KASH5: variants seen among roughly 807,000 people sequenced by gnomAD.
KASH5 encodes protein KASH5.
Under a neutral mutation model 84.2 loss-of-function variants are expected in KASH5, and 72 were observed. The observed-to-expected ratio is 0.85, with a 90% CI of 0.71 to 1.04. The LOEUF is 1.04. Ranked by LOEUF, KASH5 falls within the 50% of genes least tolerant of loss-of-function variation. KASH5 has a pLI of 0.00. For synonymous variants in KASH5, 260 were observed against 279.1 expected (o/e 0.93, Z 0.68); for missense variants, 650 against 701.0 (o/e 0.93, Z 0.82).
Position 49,390,792 on chromosome 19 carries a change from T to G in KASH5, c.-92T>G. On this transcript the variant is annotated 5_prime_UTR_variant, in exon 2 of 20. Coordinates refer to ENST00000447857, the MANE Select transcript of KASH5 (RefSeq NM_144688.5). ...CATTTCCTGCTTCTCCTTCCAGGAG[T>G]GCTCGGGCCAGCTGGTCCTTTTCCC... The G allele has an allele frequency of 7.2e-7, 1 of 1,398,270 alleles. No individual in the cohort carries two copies. The highest frequency in any genetic ancestry group is 2.6e-5 in the Admixed American group (1 of 38,056). 86.6% of individuals were successfully genotyped at this position (1,398,270 alleles called of 1,614,324 possible).
intron 1 of KASH5, among the ~76,000 whole-genome samples, chr19:49,389,012 AC>A (rs2146831199): frequency 6.6e-6 from 1 of 151,452 alleles, no homozygotes; most frequent in East Asian, 1.9e-4. Flanking sequence ...GCACTCAGAG[AC>A]CCCCGCAGAA....
chr19:49,390,016 G>C (rs937508039), intron 1 of KASH5: 4 of 152,642 alleles, frequency 2.6e-5, no homozygotes, highest in African/African-American at 9.7e-5. Flanking sequence ...AGAGGCAGGA[G>C]CTTCAGAGAC....
At position 49,399,494 on chromosome 19, in the gene KASH5, C is replaced by T; in HGVS notation, c.785C>T (p.Thr262Ile). 2.5e-6 allele frequency: 4 copies of T among 1,610,468 alleles called. No homozygotes were observed. The highest frequency in any genetic ancestry group is 3.4e-6 in the Non-Finnish European group (4 of 1,178,520). Residue 262 changes from threonine (T) to isoleucine (I), a missense_variant, in exon 9 of 20, where the codon ACT (threonine) becomes ATT (isoleucine). Transcript: ENST00000447857. The surrounding 1 kb of genome is among the most constrained non-coding windows in gnomAD (Gnocchi z 4.4). Reference protein sequence around the residue: ...EQQHLVAEMETLQEENGKLLA... With the variant: ...EQQHLVAEMEILQEENGKLLA... ...CAGCATCTGGTGGCTGAGATGGAGACTCTGCAGGAGGAGGTGAGCGGAGGC... is the reference window on the plus strand; with the variant it reads ...CAGCATCTGGTGGCTGAGATGGAGATTCTGCAGGAGGAGGTGAGCGGAGGC...
chr19:49,397,522 A>G, intron 5 of KASH5, 129 bp from the exon 6 acceptor site: 1 of 794,244 alleles, frequency 1.3e-6, no homozygotes, highest in East Asian at 2.5e-5. Context: ...CTGCAGCCCC[A>G]AAAGCCCATG....
At chr19:49,397,878 T>C in intron 6 of KASH5, 104 bp from the exon 7 acceptor site, 2 of 1,467,486 alleles carry the variant, frequency 1.4e-6, no homozygotes, top group Middle Eastern at 2.0e-4. Context: ...CCTGTTTATC[T>C]TTCCCCAAAA....
intron 14 of KASH5, 75 bp downstream of exon 14, chr19:49,409,358 C>T (rs1338892845): frequency 2.1e-6 from 3 of 1,456,920 alleles, no homozygotes; most frequent in Non-Finnish European, 2.8e-6. Context: ...CTCTGATCCT[C>T]ACACCAGCCT....
Position 49,390,838 on chromosome 19 carries a change from G to C in KASH5, c.-46G>C, listed in dbSNP as rs1973978395. 1 of 1,570,356 alleles carries C rather than the reference G, an allele frequency of 6.4e-7. No individual in the cohort carries two copies. The highest frequency in any genetic ancestry group is 1.4e-5 in the African/African-American group (1 of 72,184). On this transcript the variant is annotated 5_prime_UTR_variant, in exon 2 of 20. Transcript: ENST00000447857. The stretch of plus-strand genomic sequence containing the variant: ...TTCCCATCCCTCCCCATGAAGGAGG[G>C]AGGCTGGTAGCTTTGCCAGCAGCTG...
chr19:49,415,137 A>T, intron 17 of KASH5, 141 bp downstream of exon 17: 1 of 837,978 alleles, frequency 1.2e-6, no homozygotes, highest in Non-Finnish European at 2.0e-6. Flanking sequence ...CCAAGAGATA[A>T]CAAGGCCTTT....
At position 49,417,614 on chromosome 19, in the gene KASH5, TAG is replaced by T; in HGVS notation, c.*106_*107del. ...AGTCCACTGTTGCGCAGGCTTACCCTAGATAGAGTACAGGGGATCCACATCCC... is the reference window on the plus strand; with the variant it reads ...AGTCCACTGTTGCGCAGGCTTACCCTATAGAGTACAGGGGATCCACATCCC... On this transcript the variant is annotated 3_prime_UTR_variant, in exon 20 of 20. Coordinates refer to ENST00000447857, the MANE Select transcript of KASH5 (RefSeq NM_144688.5). The surrounding 1 kb of genome is among the most constrained non-coding windows in gnomAD (Gnocchi z 5.2). 7.3e-7 allele frequency: 1 copy of T among 1,365,340 alleles called. No individual in the cohort carries two copies. Among genetic ancestry groups the T allele is most frequent in the Non-Finnish European group, 9.6e-7 (1 of 1,038,408 alleles). 84.6% of individuals were successfully genotyped at this position (1,365,340 alleles called of 1,614,324 possible). A position where few individuals can be genotyped will look rare whatever the true frequency, so the allele number is the denominator to read the frequency against.
intron 7 of KASH5, among the ~76,000 whole-genome samples, chr19:49,398,554 A>T (rs1031302346): frequency 3.3e-5 from 5 of 151,962 alleles, no homozygotes; most frequent in African/African-American, 4.8e-5. Flanking sequence ...TTTTTTATAG[A>T]AATGAGTTCT....
chr19:49,407,688 C>T lies in KASH5; in HGVS notation c.993+17C>T, dbSNP rs747977816. 19 of 1,589,674 alleles carry T rather than the reference C, an allele frequency of 1.2e-5. No homozygotes were observed. Among genetic ancestry groups the T allele is most frequent in the East Asian group, 2.3e-5 (1 of 43,396 alleles). On this transcript the variant is annotated intron_variant, in intron 12 of 19. Coordinates refer to ENST00000447857, the MANE Select transcript of KASH5 (RefSeq NM_144688.5). ...ACGACGCAGGTAACTCAGCGGCCCT[C>T]GCCACCCACCGCGGCCCTCGCCACT...
chr19:49,410,689 T>C (rs1212805644), intron 15 of KASH5, among the ~76,000 whole-genome samples: 2 of 152,134 alleles, frequency 1.3e-5, no homozygotes, highest in Non-Finnish European at 2.9e-5. Flanking sequence ...GGTTTCGCCA[T>C]GTTGGCCAGG....
At chr19:49,390,675 G>A (rs1226229616) in intron 1 of KASH5, 114 bp from the exon 2 acceptor site, 4 of 498,958 alleles carry the variant, frequency 8.0e-6, no homozygotes, top group Admixed American at 4.0e-5. Flanking sequence ...AGGTCACAGC[G>A]GGGGTGACAA....
At position 49,404,835 on chromosome 19, in the gene KASH5, A is replaced by G. The variant is rs115367437; in HGVS notation, c.799-2051A>G. On this transcript the variant is annotated intron_variant, in intron 9 of 19. Transcript: ENST00000447857. ...AATTTGATATGTATAGCACCACCCAATCTTGCCAAGAAATTGAACAACAGT... is the reference window on the plus strand; with the variant it reads ...AATTTGATATGTATAGCACCACCCAGTCTTGCCAAGAAATTGAACAACAGT... Among the ~76,000 whole-genome samples, 1,216 of 152,242 alleles carry G rather than the reference A, an allele frequency of 8.0e-3. 22 individuals are homozygous for G. Among genetic ancestry groups the G allele is most frequent in the African/African-American group, 0.027 (1,134 of 41,546 alleles).
In KASH5 at chr19:49,390,972, G is replaced by T. The variant is rs772004596; in HGVS notation, c.43+46G>T. ...TTGCCCCGGGGAGGGTGAGGAGGGA[G>T]CCATGGGTGAATGGGTGCCAGGCTG... On this transcript the variant is annotated intron_variant, in intron 2 of 19. Transcript: ENST00000447857. The T allele has an allele frequency of 1.0e-5, 16 of 1,595,888 alleles. No individual in the cohort carries two copies. The Middle Eastern group carries it at 6.6e-4, about 66-fold the overall frequency.
chr19:49,413,961 TG>T (rs1008266690), intron 16 of KASH5, among the ~76,000 whole-genome samples: 1 of 151,940 alleles, frequency 6.6e-6, no homozygotes, highest in African/African-American at 2.4e-5. Flanking sequence ...GGTCTGAAGC[TG>T]GTGGTGGTGG....
At position 49,406,873 on chromosome 19, in the gene KASH5, T is replaced by G. The variant is rs749458669; in HGVS notation, c.799-13T>G. ...TTGCTGGAATGAACGTGACCAGCCA[T>G]TCCTTCTTCTAGAACGGGAAGCTGC... On this transcript the variant is annotated splice_polypyrimidine_tract_variant and intron_variant, in intron 9 of 19. Transcript: ENST00000447857. 2 of 1,600,680 alleles carry G rather than the reference T, an allele frequency of 1.2e-6. No individual in the cohort carries two copies. The highest frequency in any genetic ancestry group is 4.5e-5 in the East Asian group (2 of 44,442).
In KASH5 at chr19:49,397,345, G is replaced by A. The variant is rs567417036; in HGVS notation, c.401-306G>A. ...GGACTGGGGGTGACAGGGAGCAAGGGAGCCAGGTCCGCCCAGTGGCTGAGT... is the reference window on the plus strand; with the variant it reads ...GGACTGGGGGTGACAGGGAGCAAGGAAGCCAGGTCCGCCCAGTGGCTGAGT... On this transcript the variant is annotated intron_variant, in intron 5 of 19. Transcript: ENST00000447857. Among the ~76,000 whole-genome samples the A allele has an allele frequency of 3.2e-4, 49 of 152,270 alleles. 1 individual carries two copies. The highest frequency in any genetic ancestry group is 1.8e-3 in the Admixed American group (27 of 15,288).
chr19:49,395,300 C>T lies in KASH5; in HGVS notation c.335+8C>T. On this transcript the variant is annotated splice_region_variant and intron_variant, in intron 4 of 19. Transcript: ENST00000447857. The surrounding 1 kb of genome is among the most constrained non-coding windows in gnomAD (Gnocchi z 4.4). Reference sequence around the variant, plus strand: ...TGCCTGTCAACTACATGGGTGAGTCCCCACATCTTCATCCTCCTCTGGGAA... The same window carrying T: ...TGCCTGTCAACTACATGGGTGAGTCTCCACATCTTCATCCTCCTCTGGGAA... 1 of 1,609,792 alleles carries T rather than the reference C, an allele frequency of 6.2e-7. No individual in the cohort carries two copies. Among genetic ancestry groups the T allele is most frequent in the Non-Finnish European group, 8.5e-7 (1 of 1,178,610 alleles).
Sources: allele counts gnomAD v4.1 joint callset (sites outside exome capture counted in the v4.1 genomes callset), GRCh38; gene constraint gnomAD v4.1.1; non-coding constraint Gnocchi (gnomAD v3.1); transcripts MANE v1.5; gene names NCBI Gene and HGNC (gene_info 2026-07-23, HGNC 2026-07-21).